The following DAB1 variants were observed in gnomAD, a reference collection of about 807,000 sequenced individuals.
DAB1 encodes the protein disabled homolog 1.
DAB1 carries 15 observed loss-of-function variants against 64.6 expected under a neutral mutation model. The ratio of observed to expected loss-of-function variants is 0.23; its 90% CI spans 0.16 to 0.36. The LOEUF (loss-of-function observed/expected upper bound fraction) is 0.36. Ranked by LOEUF, DAB1 falls within the 10% of genes least tolerant of loss-of-function variation. The pLI, the probability that DAB1 is intolerant of heterozygous loss-of-function variation, is 1.00. For synonymous variants in DAB1, 235 were observed against 251.9 expected, an observed-to-expected ratio of 0.93 and a Z score of 0.64; for missense variants, 596 against 706.7, an observed-to-expected ratio of 0.84 and a Z score of 1.78.
chr1:57,269,632 C>T (rs1280601167), intron 2 of DAB1, among the ~76,000 whole-genome samples: 1 of 152,128 alleles, frequency 6.6e-6, no homozygotes, highest in East Asian at 1.9e-4. Context: ...AGATTTACGC[C>T]CTCCTCCACT....
At chr1:58,258,253 G>C (rs1660977836) in intron 4 of DAB1, among the ~76,000 whole-genome samples, 1 of 152,118 alleles carries the variant, frequency 6.6e-6, no homozygotes, top group Admixed American at 6.5e-5. Context: ...ACACGCCGGG[G>C]GCACCAAGGA....
At chr1:58,500,914 A>C (rs1276385322) in intron 3 of DAB1, among the ~76,000 whole-genome samples, 1 of 152,206 alleles carries the variant, frequency 6.6e-6, no homozygotes, top group African/African-American at 2.4e-5. Flanking sequence ...GAAAAAAGTT[A>C]AATAAGGTGT....
chr1:58,001,170 C>A (rs571816046), intron 5 of DAB1, among the ~76,000 whole-genome samples: 2 of 152,094 alleles, frequency 1.3e-5, no homozygotes, highest in Admixed American at 1.3e-4. Flanking sequence ...CTTTCTCTTG[C>A]CCCTCACTTG....
intron 7 of DAB1, among the ~76,000 whole-genome samples, chr1:57,444,629 C>T (rs1486585219): frequency 6.6e-6 from 1 of 152,096 alleles, no homozygotes; most frequent in Admixed American, 6.5e-5. Flanking sequence ...TCACAAGTGT[C>T]CTTGAAGACA....
intron 6 of DAB1, among the ~76,000 whole-genome samples, chr1:57,738,931 G>C (rs1317012206): frequency 1.3e-5 from 2 of 152,186 alleles, no homozygotes; most frequent in South Asian, 4.1e-4. Context: ...TCTAAAAGGA[G>C]GAGAATGCCC....
At chr1:57,352,323 T>C (rs1678653800) in intron 1 of DAB1, among the ~76,000 whole-genome samples, 1 of 152,180 alleles carries the variant, frequency 6.6e-6, no homozygotes, top group South Asian at 2.1e-4. Flanking sequence ...AAAATGCATA[T>C]AAAGTACTTA....
At position 57,771,235 on chromosome 1, in the gene DAB1, C is replaced by T. The variant is rs536634825; in HGVS notation, n.551+112764G>A. ...GATGCTTACTGGCTGGCTTGCTTGACTATACCACAATCAAGTTTATATCAG... is the reference window on the plus strand; with the variant it reads ...GATGCTTACTGGCTGGCTTGCTTGATTATACCACAATCAAGTTTATATCAG... On this transcript the variant is annotated intron_variant and non_coding_transcript_variant, in intron 6 of 20. Coordinates refer to the DAB1 transcript ENST00000485760. 2.1e-3 allele frequency among the ~76,000 whole-genome samples: 326 copies of T among 152,196 alleles called. 2 individuals are homozygous for T. The highest frequency in any genetic ancestry group is 7.6e-3 in the African/African-American group (316 of 41,530).
chr1:57,387,100 A>T (rs1681932337), intron 1 of DAB1: 1 of 152,178 alleles, frequency 6.6e-6, no homozygotes, highest in African/African-American at 2.4e-5. Context: ...GATTTAGTCA[A>T]TGAGGGTTTG....
rs566686960 is a variant in DAB1, at chr1:57,991,342, T to G, written n.388-107180A>C. On this transcript the variant is annotated intron_variant and non_coding_transcript_variant, in intron 5 of 20. Coordinates refer to the DAB1 transcript ENST00000485760. ...TTGTGGGTGACAATGCTATGTTGTTTTATTTTGATGAGTTAAATTCAACAA... is the reference window on the plus strand; with the variant it reads ...TTGTGGGTGACAATGCTATGTTGTTGTATTTTGATGAGTTAAATTCAACAA... Among the ~76,000 whole-genome samples, 4 of 152,296 alleles carry G rather than the reference T, an allele frequency of 2.6e-5. No individual in the cohort carries two copies. The South Asian group carries it at 8.3e-4, about 32-fold the overall frequency.
intron 7 of DAB1, among the ~76,000 whole-genome samples, chr1:57,562,555 T>C (rs1329246555): frequency 6.6e-6 from 1 of 152,206 alleles, no homozygotes; most frequent in African/African-American, 2.4e-5. Context: ...GGCTGTGGCA[T>C]GTCCAGAAGG....
rs949668556 is a variant in DAB1, at chr1:57,967,573, G to T, written n.388-83411C>A. 1.4e-4 allele frequency among the ~76,000 whole-genome samples: 22 copies of T among 152,260 alleles called. 1 individual carries two copies. The highest frequency in any genetic ancestry group is 5.3e-4 in the African/African-American group (22 of 41,552). On this transcript the variant is annotated intron_variant and non_coding_transcript_variant, in intron 5 of 20. Transcript: ENST00000485760. ...CCCTAGAGGGACAAGGTGTAGAGTT[G>T]GAAGATATCTGGTGTTGATTCAGAC...
chr1:57,002,425 G>A (rs1645902907), intron 14 of DAB1, among the ~76,000 whole-genome samples: 1 of 152,182 alleles, frequency 6.6e-6, no homozygotes, highest in Non-Finnish European at 1.5e-5. Flanking sequence ...TGGGCTTAAG[G>A]TAAGTAATTT....
chr1:57,984,260 G>A lies in DAB1; in HGVS notation n.388-100098C>T, dbSNP rs200428161. ...AGAAAGAAAGAAAGAAAGAAAGAAA[G>A]AAAAAAAATTAAACAGCCAAACCCA... On this transcript the variant is annotated intron_variant and non_coding_transcript_variant, in intron 5 of 20. Coordinates refer to the DAB1 transcript ENST00000485760. 9.8e-3 allele frequency among the ~76,000 whole-genome samples: 1,310 copies of A among 134,002 alleles called. 20 individuals carry two copies. Among genetic ancestry groups the A allele is most frequent in the African/African-American group, 0.016 (563 of 35,544 alleles). The allele number at this position is 134,002 out of a possible 152,430, so 87.9% of individuals were successfully genotyped here.
intron 4 of DAB1, among the ~76,000 whole-genome samples, chr1:58,328,609 G>A (rs1662895654): frequency 6.6e-6 from 1 of 151,992 alleles, no homozygotes; most frequent in Non-Finnish European, 1.5e-5. Context: ...TCAATTTCTG[G>A]CCTTTGTTTT....
intron 4 of DAB1, among the ~76,000 whole-genome samples, chr1:57,109,377 G>A (rs929943475): frequency 3.9e-5 from 6 of 152,130 alleles, no homozygotes; most frequent in African/African-American, 9.7e-5. Context: ...AAAGTGCTTC[G>A]TTTTGAACAC....
At chr1:58,323,068 C>T (rs1472605835) in intron 4 of DAB1, among the ~76,000 whole-genome samples, 1 of 141,886 alleles carries the variant, frequency 7.0e-6, no homozygotes, top group Admixed American at 7.1e-5. Flanking sequence ...GGGCGGGGAA[C>T]ATCACACATG....
chr1:58,029,898 AAC>A, intron 5 of DAB1, among the ~76,000 whole-genome samples: 1 of 152,252 alleles, frequency 6.6e-6, no homozygotes, highest in East Asian at 1.9e-4. Flanking sequence ...TAAATAAATA[AAC>A]ACAGGATACA....
At chr1:57,088,120 G>C (rs1653279950) in intron 4 of DAB1, among the ~76,000 whole-genome samples, 1 of 152,200 alleles carries the variant, frequency 6.6e-6, no homozygotes, top group African/African-American at 2.4e-5. Context: ...GCCCAGGCTG[G>C]AGTGCAATGG....
chr1:57,951,300 G>A (rs1645270769), intron 5 of DAB1, among the ~76,000 whole-genome samples: 1 of 79,184 alleles, frequency 1.3e-5, no homozygotes. Flanking sequence ...AACAGATCCG[G>A]GAAGAGGAGC....
Sources: gnomAD v4.1 joint callset for allele counts (sites outside exome capture counted in the v4.1 genomes callset) on GRCh38, gnomAD v4.1.1 for gene constraint, MANE v1.5 for transcripts, NCBI Gene and HGNC (gene_info 2026-07-23, HGNC 2026-07-21) for gene names.